KDM1A: variants seen among roughly 807,000 people sequenced by gnomAD.
KDM1A encodes lysine demethylase 1A.
Under a neutral mutation model 109.4 loss-of-function variants are expected in KDM1A, and 49 were observed. The ratio of observed to expected loss-of-function variants is 0.45; its 90% CI spans 0.36 to 0.57. The LOEUF is 0.57. Ranked by LOEUF, KDM1A falls within the 20% of genes least tolerant of loss-of-function variation. KDM1A has a pLI of 0.00. For missense variants in KDM1A, 668 were observed against 1,116.6 expected (o/e 0.60, Z 5.73); for synonymous variants, 380 against 415.4 (o/e 0.91, Z 1.04).
In KDM1A at chr1:23,079,030, A is replaced by G. The variant is rs1270850387; in HGVS notation, c.1908A>G (p.Gln636=). 7 of 1,614,188 alleles carry G rather than the reference A, an allele frequency of 4.3e-6. No homozygotes were observed. Among genetic ancestry groups the G allele is most frequent in the Non-Finnish European group, 5.1e-6 (6 of 1,180,012 alleles). Residue 636 remains glutamine, a synonymous_variant, in exon 17 of 21, where the codon CAA becomes CAG. Transcript: ENST00000400181. The surrounding 1 kb of genome is among the most constrained non-coding windows in gnomAD (Gnocchi z 5.6). Reference sequence around the variant, plus strand: ...CTGTGAATACCCGCTCCACGAGTCAAACCTTTATTTATAAATGCGACGCAG... The same window carrying G: ...CTGTGAATACCCGCTCCACGAGTCAGACCTTTATTTATAAATGCGACGCAG... ...VIAVNTRSTS[Q]TFIYKCDAVL...
At chr1:23,076,437 C>T (rs995989455) in intron 15 of KDM1A, among the ~76,000 whole-genome samples, 1 of 152,044 alleles carries the variant, frequency 6.6e-6, no homozygotes, top group African/African-American at 2.4e-5. Flanking sequence ...AAATCTTCCT[C>T]AACTTCAAAC....
At chr1:23,041,669 C>G (rs1397636685) in intron 2 of KDM1A, among the ~76,000 whole-genome samples, 4 of 151,802 alleles carry the variant, frequency 2.6e-5, no homozygotes, top group Admixed American at 6.6e-5. Context: ...TCTTGAACTC[C>G]TGACCTCGTG....
chr1:23,066,503 T>A (rs7512264), intron 10 of KDM1A, among the ~76,000 whole-genome samples: 7,988 of 152,242 alleles, frequency 0.052, 684 homozygotes, highest in African/African-American at 0.18. Flanking sequence ...AGATTAAAGC[T>A]TGTCTGAAGC....
At chr1:23,033,390 C>G (rs1642048825) in intron 2 of KDM1A, among the ~76,000 whole-genome samples, 1 of 151,990 alleles carries the variant, frequency 6.6e-6, no homozygotes, top group Non-Finnish European at 1.5e-5. Flanking sequence ...GGTGTAGTGG[C>G]ACGTGCCTGT....
At chr1:23,073,442 T>C in intron 15 of KDM1A, 39 bp downstream of exon 15, 3 of 1,018,888 alleles carry the variant, frequency 2.9e-6, no homozygotes, top group Non-Finnish European at 4.6e-6. Context: ...GCACATGCCT[T>C]TGAGAGGGAT....
intron 12 of KDM1A, among the ~76,000 whole-genome samples, chr1:23,070,870 T>A (rs1448442489): frequency 6.6e-6 from 1 of 152,136 alleles, no homozygotes; most frequent in Non-Finnish European, 1.5e-5. Context: ...TTAAGTTACA[T>A]TAGCAACAGT....
chr1:23,019,488 C>G lies in KDM1A; in HGVS notation c.-109C>G. ...CGCTTGGCGCGTGCGTACGCGACGG[C>G]GGTTGGCGGCGCGCGGGCAGCGTGA... On this transcript the variant is annotated 5_prime_UTR_variant, in exon 1 of 21. Coordinates refer to ENST00000400181, the MANE Select transcript of KDM1A (RefSeq NM_001009999.3). The G allele has an allele frequency of 7.8e-7, 1 of 1,284,638 alleles. No individual in the cohort carries two copies. The highest frequency in any genetic ancestry group is 9.8e-7 in the Non-Finnish European group (1 of 1,015,442). 79.6% of individuals were successfully genotyped at this position (1,284,638 alleles called of 1,614,324 possible).
intron 12 of KDM1A, 27 bp downstream of exon 12, chr1:23,069,178 T>A (rs1321937999): frequency 7.1e-7 from 1 of 1,407,196 alleles, no homozygotes; most frequent in Non-Finnish European, 9.9e-7. Flanking sequence ...TCTTCATAGC[T>A]GAAGAAGCTT....
At chr1:23,038,839 T>A (rs758377888) in intron 2 of KDM1A, among the ~76,000 whole-genome samples, 22 of 152,190 alleles carry the variant, frequency 1.4e-4, no homozygotes, top group Non-Finnish European at 2.9e-4. Flanking sequence ...GCTGTTTTAC[T>A]TCAGTATTTT....
At chr1:23,070,386 A>G (rs1386630208) in intron 12 of KDM1A, among the ~76,000 whole-genome samples, 1 of 152,014 alleles carries the variant, frequency 6.6e-6, no homozygotes, top group Non-Finnish European at 1.5e-5. Flanking sequence ...CATGAGAATC[A>G]TTTGAACCTG....
In KDM1A at chr1:23,019,953, G is replaced by T. The variant is rs749657116; in HGVS notation, c.351+6G>T. 2.6e-6 allele frequency: 4 copies of T among 1,539,572 alleles called. No individual in the cohort carries two copies. The highest frequency in any genetic ancestry group is 1.2e-5 in the South Asian group (1 of 82,820). ...GCCGGCGCAAGCGGGCGAAGGTAAG[G>T]CTCGACCCTTCCCTCAAACGACACC... On this transcript the variant is annotated splice_donor_region_variant and intron_variant, in intron 1 of 20. Transcript: ENST00000400181.
At chr1:23,039,550 G>A (rs935328253) in intron 2 of KDM1A, among the ~76,000 whole-genome samples, 5 of 152,058 alleles carry the variant, frequency 3.3e-5, no homozygotes, top group Admixed American at 2.0e-4. Context: ...CTAAAATCAC[G>A]TTCAGGTTTG....
chr1:23,030,425 A>G, intron 1 of KDM1A, 44 bp from the exon 2 acceptor site: 1 of 1,381,706 alleles, frequency 7.2e-7, no homozygotes, highest in Non-Finnish European at 9.5e-7. Flanking sequence ...CCTAATTTTA[A>G]ATGTTCACTG....
intron 18 of KDM1A, 91 bp from the exon 19 acceptor site, chr1:23,081,355 C>A: frequency 6.9e-7 from 1 of 1,442,168 alleles, no homozygotes; most frequent in South Asian, 1.2e-5. Context: ...CATCAGATTT[C>A]AGAGCACCAG....
chr1:23,055,833 G>T, intron 6 of KDM1A, 99 bp from the exon 7 acceptor site: 1 of 558,794 alleles, frequency 1.8e-6, no homozygotes, highest in South Asian at 3.4e-5. Context: ...TACTTTGTAA[G>T]CTATTATGTT....
chr1:23,030,856 T>G (rs1051513795), intron 2 of KDM1A, among the ~76,000 whole-genome samples: 7 of 152,126 alleles, frequency 4.6e-5, no homozygotes, highest in African/African-American at 1.2e-4. Flanking sequence ...GATACTCTTT[T>G]TGTGTGTCTG....
In KDM1A at chr1:23,057,487, C is replaced by G. The variant is rs766981050; in HGVS notation, c.994C>G (p.Arg332Gly). ...MDVTLLEARDRVGGRVATFRK... is the reference protein window; with the variant it reads ...MDVTLLEARDGVGGRVATFRK... ...GGCTACTTAATTTCTGAAACAGGATCGTGTGGGTGGACGAGTTGCCACATT... is the reference window on the plus strand; with the variant it reads ...GGCTACTTAATTTCTGAAACAGGATGGTGTGGGTGGACGAGTTGCCACATT... Residue 332 changes from arginine (R) to glycine (G), a missense_variant, in exon 8 of 21, where the codon CGT (arginine) becomes GGT (glycine). Around this residue, in one of 8 missense-constraint regions of KDM1A, gnomAD observed 53 missense variants for 122.5 expected, o/e 0.43. Coordinates refer to ENST00000400181, the MANE Select transcript of KDM1A (RefSeq NM_001009999.3). The G allele has an allele frequency of 6.2e-7, 1 of 1,613,328 alleles. No individual in the cohort carries two copies. The highest frequency in any genetic ancestry group is 8.5e-7 in the Non-Finnish European group (1 of 1,179,480).
At chr1:23,040,537 T>C (rs1300166818) in intron 2 of KDM1A, among the ~76,000 whole-genome samples, 1 of 151,798 alleles carries the variant, frequency 6.6e-6, no homozygotes, top group Non-Finnish European at 1.5e-5. Context: ...TGGCTCACGC[T>C]CATAATCCTG....
intron 15 of KDM1A, 70 bp from the exon 16 acceptor site, chr1:23,077,158 G>A: frequency 5.5e-6 from 8 of 1,446,874 alleles, no homozygotes; most frequent in Non-Finnish European, 7.6e-6. Context: ...CATTGTTGTT[G>A]TACAGAACTA....
Sources: gnomAD v4.1 joint callset for allele counts (sites outside exome capture counted in the v4.1 genomes callset) on GRCh38, gnomAD v4.1.1 for gene constraint, gnomAD v4.1.1 regional missense constraint, Gnocchi (gnomAD v3.1) non-coding constraint, MANE v1.5 for transcripts, NCBI Gene and HGNC (gene_info 2026-07-23, HGNC 2026-07-21) for gene names.